The following XPO5 variants were observed in gnomAD, a reference collection of about 807,000 sequenced individuals.
XPO5 encodes the protein exportin 5.
In XPO5, 46 loss-of-function variants were observed where a neutral mutation model predicts 160.6. The ratio of observed to expected loss-of-function variants is 0.29; its 90% confidence interval spans 0.23 to 0.37. XPO5 has a LOEUF of 0.37. Among genes scored for constraint, XPO5 ranks in the 10% least tolerant of loss-of-function variants. XPO5 has a pLI of 1.00. For missense variants in XPO5, 1,090 were observed against 1,463.9 expected (o/e 0.74, Z 4.17); for synonymous variants, 537 against 519.3 (o/e 1.03, Z -0.46).
chr6:43,557,577 T>A (rs1428339075), intron 12 of XPO5, among the ~76,000 whole-genome samples: 1 of 152,002 alleles, frequency 6.6e-6, no homozygotes, highest in Non-Finnish European at 1.5e-5. Context: ...GAAAGTAGAT[T>A]ACTGGTTGCC....
chr6:43,548,193 G>C, intron 18 of XPO5, 68 bp downstream of exon 18: 2 of 1,458,138 alleles, frequency 1.4e-6, no homozygotes, highest in South Asian at 2.9e-5. Context: ...ACCCCACCCT[G>C]GGCCTAGCTC....
intron 18 of XPO5, among the ~76,000 whole-genome samples, chr6:43,547,941 AAAG>A (rs2127728802): frequency 6.6e-6 from 1 of 152,334 alleles, no homozygotes; most frequent in East Asian, 1.9e-4. Context: ...TTCAAAATAT[AAAG>A]AAAATAATTT....
chr6:43,545,443 A>G (rs1794917053), intron 20 of XPO5, among the ~76,000 whole-genome samples: 1 of 151,810 alleles, frequency 6.6e-6, no homozygotes, highest in South Asian at 2.1e-4. Flanking sequence ...GTGGTGGCTC[A>G]CTCCTGGAGT....
At chr6:43,534,445 C>T (rs1227164191) in intron 20 of XPO5, among the ~76,000 whole-genome samples, 1 of 152,168 alleles carries the variant, frequency 6.6e-6, no homozygotes, top group Non-Finnish European at 1.5e-5. Context: ...ATGGACCTTG[C>T]AACAGCTGTT....
intron 19 of XPO5, 163 bp downstream of exon 19, chr6:43,547,444 GA>G: frequency 1.4e-6 from 1 of 716,848 alleles, no homozygotes; most frequent in Non-Finnish European, 2.5e-6. Context: ...ACTAACTCAA[GA>G]ATTCAAGACT....
intron 20 of XPO5, among the ~76,000 whole-genome samples, chr6:43,543,402 G>A (rs536113668): frequency 5.3e-5 from 8 of 152,258 alleles, no homozygotes; most frequent in East Asian, 1.9e-4. Context: ...GCAGTGAGCC[G>A]TGATCGCAAC....
At chr6:43,563,051 C>T (rs563512096) in intron 8 of XPO5, among the ~76,000 whole-genome samples, 5 of 152,218 alleles carry the variant, frequency 3.3e-5, no homozygotes, top group African/African-American at 9.6e-5. Flanking sequence ...GGTGTTGCAA[C>T]AGATTCAACT....
intron 20 of XPO5, chr6:43,539,600 C>T: frequency 7.2e-7 from 1 of 1,381,292 alleles, no homozygotes; most frequent in Non-Finnish European, 1.0e-6. Flanking sequence ...GCGACCCCGG[C>T]CCCGGATGCC....
chr6:43,549,801 T>TC (rs1380231670), intron 16 of XPO5, 92 bp downstream of exon 16: 1 of 1,370,610 alleles, frequency 7.3e-7, no homozygotes, highest in East Asian at 2.5e-5. Flanking sequence ...TACTACCCCC[T>TC]CCCATTTATA....
intron 20 of XPO5, among the ~76,000 whole-genome samples, chr6:43,534,566 C>T (rs1408694253): frequency 6.6e-6 from 1 of 152,226 alleles, no homozygotes; most frequent in Non-Finnish European, 1.5e-5. Flanking sequence ...ACTTGATATA[C>T]CCGCTGTCCA....
At chr6:43,563,439 T>G (rs1382518888) in intron 8 of XPO5, among the ~76,000 whole-genome samples, 1 of 152,206 alleles carries the variant, frequency 6.6e-6, no homozygotes, top group Non-Finnish European at 1.5e-5. Context: ...CCGGCCTTGC[T>G]TTAGTATTTT....
At chr6:43,568,283 G>A (rs1231977142) in intron 6 of XPO5, among the ~76,000 whole-genome samples, 2 of 152,002 alleles carry the variant, frequency 1.3e-5, no homozygotes, top group Non-Finnish European at 2.9e-5. Context: ...CTCCAGCCTG[G>A]GCAAGTGAGC....
At chr6:43,532,093 C>T (rs564169583) in intron 21 of XPO5, among the ~76,000 whole-genome samples, 1 of 152,290 alleles carries the variant, frequency 6.6e-6, no homozygotes, top group African/African-American at 2.4e-5. Context: ...TTCTGGTTGG[C>T]CACTTATTTC....
intron 20 of XPO5, among the ~76,000 whole-genome samples, chr6:43,536,239 AC>A (rs1794314428): frequency 6.6e-6 from 1 of 151,942 alleles, no homozygotes; most frequent in Non-Finnish European, 1.5e-5. Flanking sequence ...ACATGGTGAA[AC>A]CCTGTCTCTA....
chr6:43,545,643 G>A (rs1582219787), intron 20 of XPO5, among the ~76,000 whole-genome samples: 1 of 151,982 alleles, frequency 6.6e-6, no homozygotes, highest in Non-Finnish European at 1.5e-5. Context: ...GGAGGCGGAG[G>A]TTGCAGTGAG....
chr6:43,561,806 A>G (rs1334324432), intron 9 of XPO5: 1 of 155,510 alleles, frequency 6.4e-6, no homozygotes, highest in East Asian at 1.9e-4. Flanking sequence ...TGAGTATTAA[A>G]TATTTCTCTA....
chr6:43,545,732 A>C (rs1191890248), intron 20 of XPO5, among the ~76,000 whole-genome samples: 1 of 152,102 alleles, frequency 6.6e-6, no homozygotes, highest in Non-Finnish European at 1.5e-5. Context: ...ACAAAAAAAA[A>C]ACCAATCCTG....
chr6:43,571,625 T>G (rs1193662925), intron 3 of XPO5, among the ~76,000 whole-genome samples: 3 of 152,148 alleles, frequency 2.0e-5, no homozygotes, highest in Non-Finnish European at 4.4e-5. Flanking sequence ...GGAAACACAG[T>G]GAGACCCTGT....
chr6:43,553,235 G>C (rs71562709), intron 14 of XPO5, 138 bp downstream of exon 14: 1 of 1,106,550 alleles, frequency 9.0e-7, no homozygotes, highest in Non-Finnish European at 1.2e-6. Context: ...CCAGGAGTTG[G>C]AGGTTACAGA....
Sources: allele counts gnomAD v4.1 joint callset (sites outside exome capture counted in the v4.1 genomes callset), GRCh38; gene constraint gnomAD v4.1.1; transcripts MANE v1.5; gene names NCBI Gene and HGNC (gene_info 2026-07-23, HGNC 2026-07-21).